RBFOX1: variants seen among roughly 807,000 people sequenced by gnomAD.
RBFOX1 encodes RNA binding fox-1 homolog 1, also known as RNA binding protein fox-1 homolog 1.
Under a neutral mutation model 57.7 loss-of-function variants are expected in RBFOX1, and 8 were observed. The observed-to-expected ratio is 0.14, with a 90% CI of 0.08 to 0.25. The LOEUF (loss-of-function observed/expected upper bound fraction) is 0.25. Ranked by LOEUF, RBFOX1 falls within the 10% of genes least tolerant of loss-of-function variation. The probability of loss-of-function intolerance (pLI) is 1.00; values close to 1 mark genes in which losing one functional copy is unlikely to be tolerated. For missense variants in RBFOX1, 611 were observed against 548.5 expected (o/e 1.11, Z -1.14); for synonymous variants, 326 against 222.4 (o/e 1.47, Z -4.15).
chr16:5,876,450 G>T (rs1487520178), intron 4 of RBFOX1, among the ~76,000 whole-genome samples: 5 of 152,168 alleles, frequency 3.3e-5, no homozygotes, highest in Admixed American at 3.3e-4. Context: ...ACCAGCTGGG[G>T]TGCTTAGAAA....
intron 3 of RBFOX1, among the ~76,000 whole-genome samples, chr16:5,814,207 GC>G (rs766959531): frequency 1.7e-4 from 26 of 152,166 alleles, no homozygotes; most frequent in Non-Finnish European, 3.5e-4. Context: ...GCATCCGTAT[GC>G]CCTCCTTTCC....
chr16:7,422,268 G>T (rs552056880), intron 4 of RBFOX1, among the ~76,000 whole-genome samples: 7 of 152,258 alleles, frequency 4.6e-5, no homozygotes, highest in Admixed American at 3.9e-4. Context: ...TATTGTTTTA[G>T]ATTTCCTTTC....
intron 3 of RBFOX1, among the ~76,000 whole-genome samples, chr16:6,982,173 C>T (rs535750420): frequency 4.6e-5 from 7 of 152,266 alleles, no homozygotes; most frequent in African/African-American, 1.4e-4. Context: ...ATTGTGTATT[C>T]TCTGGCATCC....
intron 4 of RBFOX1, among the ~76,000 whole-genome samples, chr16:7,210,670 T>G (rs1278385079): frequency 1.3e-5 from 2 of 152,146 alleles, no homozygotes; most frequent in Admixed American, 1.3e-4. Context: ...AGGCATGCTG[T>G]TAAAGTTCTT....
intron 2 of RBFOX1, among the ~76,000 whole-genome samples, chr16:5,486,019 C>G (rs957751071): frequency 6.6e-6 from 1 of 152,188 alleles, no homozygotes; most frequent in Admixed American, 6.5e-5. Context: ...GGTATGAGCT[C>G]GCCTCCTCTC....
intron 2 of RBFOX1, among the ~76,000 whole-genome samples, chr16:5,485,856 T>G (rs2151656221): frequency 6.6e-6 from 1 of 152,326 alleles, no homozygotes; most frequent in South Asian, 2.1e-4. Flanking sequence ...CCTTCTCTGT[T>G]ACTGAACACT....
At chr16:5,929,777 C>G (rs145153771) in intron 4 of RBFOX1, among the ~76,000 whole-genome samples, 1 of 151,970 alleles carries the variant, frequency 6.6e-6, no homozygotes, top group South Asian at 2.1e-4. Flanking sequence ...TGCTGTGTGC[C>G]ACACGCTGGG....
At chr16:6,105,684 AAAT>A (rs200678166) in intron 1 of RBFOX1, among the ~76,000 whole-genome samples, 37 of 150,258 alleles carry the variant, frequency 2.5e-4, no homozygotes, top group African/African-American at 9.2e-4. Flanking sequence ...AGTAGAAAAA[AAAT>A]ATATATATAT....
At chr16:5,245,851 C>T (rs925189962) in intron 1 of RBFOX1, among the ~76,000 whole-genome samples, 20 of 152,276 alleles carry the variant, frequency 1.3e-4, no homozygotes, top group Middle Eastern at 6.8e-3. Context: ...ACCATTTAAT[C>T]GTGGATGGGT....
chr16:7,097,961 A>G (rs1013122118), intron 4 of RBFOX1, among the ~76,000 whole-genome samples: 3 of 152,182 alleles, frequency 2.0e-5, no homozygotes, highest in African/African-American at 7.2e-5. Context: ...AAAACAGTTT[A>G]ATAATAGTGA....
chr16:6,127,427 T>C lies in RBFOX1; in HGVS notation c.-127+107435T>C, dbSNP rs180757490. 2.7e-3 allele frequency among the ~76,000 whole-genome samples: 418 copies of C among 152,306 alleles called. 2 individuals are homozygous for C. The highest frequency in any genetic ancestry group is 3.6e-3 in the Non-Finnish European group (244 of 68,030). ...TAATTCAAGAAATGTTTGAGCATTA[T>C]ATGCCAAGCCCTGACGTAGGCAAGG... On this transcript the variant is annotated intron_variant, in intron 1 of 15. Transcript: ENST00000550418.
chr16:7,330,505 T>TA (rs1330030290), intron 4 of RBFOX1, among the ~76,000 whole-genome samples: 3 of 80,612 alleles, frequency 3.7e-5, no homozygotes, highest in African/African-American at 1.9e-4. Context: ...TGTGTGTGTG[T>TA]GTGTTTGTGT....
At chr16:6,751,597 G>A (rs1299680672) in intron 3 of RBFOX1, among the ~76,000 whole-genome samples, 1 of 152,136 alleles carries the variant, frequency 6.6e-6, no homozygotes, top group Non-Finnish European at 1.5e-5. Flanking sequence ...TGATTTGGGA[G>A]TTTTGAAGTT....
chr16:6,929,431 C>T (rs993034012), intron 3 of RBFOX1, among the ~76,000 whole-genome samples: 1 of 152,146 alleles, frequency 6.6e-6, no homozygotes, highest in Non-Finnish European at 1.5e-5. Context: ...AGGTAAACAG[C>T]AGTTCCCTGG....
At chr16:7,379,746 T>TTGCCTGCC (rs1010841799) in intron 4 of RBFOX1, among the ~76,000 whole-genome samples, 4 of 151,240 alleles carry the variant, frequency 2.6e-5, no homozygotes, top group East Asian at 3.9e-4. Flanking sequence ...GCCTGCCTGC[T>TTGCCTGCC]TGCCTGCCTG....
At chr16:7,704,959 G>A (rs540622529) in intron 14 of RBFOX1, among the ~76,000 whole-genome samples, 2 of 150,816 alleles carry the variant, frequency 1.3e-5, no homozygotes, top group Non-Finnish European at 2.9e-5. Context: ...AGGCAGAATC[G>A]CTTGAACCCA....
chr16:6,766,102 C>T (rs1253322583), intron 3 of RBFOX1, among the ~76,000 whole-genome samples: 3 of 151,674 alleles, frequency 2.0e-5, no homozygotes. Context: ...GTAACCAAAA[C>T]TAACCTGTAA....
At chr16:6,997,529 C>T (rs1313710113) in intron 3 of RBFOX1, among the ~76,000 whole-genome samples, 2 of 152,130 alleles carry the variant, frequency 1.3e-5, no homozygotes, top group Non-Finnish European at 2.9e-5. Flanking sequence ...AATTGCTTTC[C>T]AATTTCCCAC....
At chr16:7,437,329 G>A (rs2098730947) in intron 4 of RBFOX1, among the ~76,000 whole-genome samples, 1 of 151,954 alleles carries the variant, frequency 6.6e-6, no homozygotes, top group Non-Finnish European at 1.5e-5. Context: ...GGTGGGGGAG[G>A]AGTACTTGTC....
Sources: gnomAD v4.1 joint callset for allele counts (sites outside exome capture counted in the v4.1 genomes callset) on GRCh38, gnomAD v4.1.1 for gene constraint, MANE v1.5 for transcripts, NCBI Gene and HGNC (gene_info 2026-07-23, HGNC 2026-07-21) for gene names.